RFTN2: variants seen among roughly 807,000 people sequenced by gnomAD.
RFTN2 encodes raftlin-2.
RFTN2 carries 34 observed loss-of-function variants against 52.7 expected under a neutral mutation model. The observed-to-expected ratio is 0.64, with a 90% confidence interval of 0.49 to 0.86. The LOEUF (loss-of-function observed/expected upper bound fraction) is 0.86. RFTN2 is among the 40% of genes least tolerant of loss of function. The pLI, the probability that RFTN2 is intolerant of heterozygous loss-of-function variation, is 0.00. For synonymous variants in RFTN2, 203 were observed against 217.7 expected (o/e 0.93, Z 0.59); for missense variants, 536 against 600.1 (o/e 0.89, Z 1.12).
At chr2:197,638,797 T>G (rs1379915111) in intron 3 of RFTN2, among the ~76,000 whole-genome samples, 8 of 128,394 alleles carry the variant, frequency 6.2e-5, no homozygotes, top group Middle Eastern at 4.5e-3. Context: ...GTTAGCTGGT[T>G]ATTTTGCTCG....
chr2:197,647,880 G>T (rs1038186372), intron 1 of RFTN2, among the ~76,000 whole-genome samples: 4 of 152,194 alleles, frequency 2.6e-5, no homozygotes, highest in South Asian at 2.1e-4. Flanking sequence ...AAGGAAAAGA[G>T]TGTGTTATTT....
chr2:197,590,845 G>A (rs908714359), intron 8 of RFTN2, among the ~76,000 whole-genome samples: 3 of 152,212 alleles, frequency 2.0e-5, no homozygotes, highest in Non-Finnish European at 2.9e-5. Context: ...TTCGCAGTAA[G>A]TGCTACAGCT....
chr2:197,582,039 T>C (rs2087518603), intron 8 of RFTN2, among the ~76,000 whole-genome samples: 1 of 152,228 alleles, frequency 6.6e-6, no homozygotes, highest in Admixed American at 6.5e-5. Context: ...GCAGTTGGAA[T>C]TCTTACACAA....
Position 197,571,756 on chromosome 2 carries a change from A to C in RFTN2, c.*252T>G. The C allele has an allele frequency of 2.0e-6, 1 of 500,180 alleles. No homozygotes were observed. 31.0% of individuals were successfully genotyped at this position (500,180 alleles called of 1,614,324 possible). A position where few individuals can be genotyped will look rare whatever the true frequency, so the allele number is the denominator to read the frequency against. ...AAGCTGAAATAGATTATTGTGTAAT[A>C]ACCGAATGGAACATCTGTTTAACCA... On this transcript the variant is annotated 3_prime_UTR_variant, in exon 9 of 9. Coordinates refer to ENST00000295049, the MANE Select transcript of RFTN2 (RefSeq NM_144629.3).
chr2:197,654,313 G>C (rs761869712), intron 1 of RFTN2, among the ~76,000 whole-genome samples: 3 of 152,150 alleles, frequency 2.0e-5, no homozygotes, highest in Non-Finnish European at 4.4e-5. Flanking sequence ...TTAAGCCCAG[G>C]AGTTTGAGGC....
intron 3 of RFTN2, among the ~76,000 whole-genome samples, chr2:197,642,548 AT>A (rs1386813333): frequency 3.9e-5 from 6 of 152,076 alleles, no homozygotes; most frequent in African/African-American, 9.7e-5. Context: ...TTAATCCATC[AT>A]TGTCTTTTTC....
At chr2:197,663,184 A>T (rs936803948) in intron 1 of RFTN2, among the ~76,000 whole-genome samples, 24 of 152,180 alleles carry the variant, frequency 1.6e-4, no homozygotes, top group African/African-American at 5.6e-4. Context: ...CATCACTGGT[A>T]TAAATTCCAT....
At position 197,571,285 on chromosome 2, in the gene RFTN2, G is replaced by A. The variant is rs1012872168; in HGVS notation, c.*723C>T. ...TCTTACTCTCTACTAAGGTATTTAT[G>A]TATTGAGATTATGGGTTCTTTTCAT... On this transcript the variant is annotated 3_prime_UTR_variant, in exon 9 of 9. Transcript: ENST00000295049. The A allele has an allele frequency of 2.0e-5, 3 of 152,192 alleles. No homozygotes were observed. The highest frequency in any genetic ancestry group is 2.1e-4 in the South Asian group (1 of 4,824). 9.4% of individuals were successfully genotyped at this position (152,192 alleles called of 1,614,324 possible).
intron 8 of RFTN2, among the ~76,000 whole-genome samples, chr2:197,577,880 G>A (rs1034837659): frequency 6.6e-6 from 1 of 152,110 alleles, no homozygotes; most frequent in African/African-American, 2.4e-5. Flanking sequence ...CCATGCCTGG[G>A]TAATTTTTCT....
intron 5 of RFTN2, among the ~76,000 whole-genome samples, chr2:197,628,513 A>T (rs574766290): frequency 6.6e-6 from 1 of 152,312 alleles, no homozygotes; most frequent in South Asian, 2.1e-4. Context: ...TGCCTGAGAG[A>T]GATTGTGAAA....
At chr2:197,629,295 G>T (rs919294414) in intron 5 of RFTN2, among the ~76,000 whole-genome samples, 5 of 152,232 alleles carry the variant, frequency 3.3e-5, no homozygotes, top group Admixed American at 6.5e-5. Context: ...GTCCTTTGTA[G>T]GGACATGGAT....
In RFTN2 at chr2:197,633,827, A is replaced by G. The variant is rs2088507035; in HGVS notation, c.609T>C (p.Ser203=). 1 of 1,613,814 alleles carries G rather than the reference A, an allele frequency of 6.2e-7. No individual in the cohort carries two copies. Among genetic ancestry groups the G allele is most frequent in the African/African-American group, 1.3e-5 (1 of 74,914 alleles). The change falls in exon 4 of 9, where the codon AGT becomes AGC. Residue 203 remains serine (S), a synonymous_variant. Coordinates refer to ENST00000295049, the MANE Select transcript of RFTN2 (RefSeq NM_144629.3). The part of the protein sequence containing the change: ...NCRSWNEGTL[S]GQSSESGIEE... The stretch of plus-strand genomic sequence containing the variant: ...CAATTCCGCTTTCAGATGACTGCCC[A>G]CTTAACGTCCCTTCATTCCAACTTC...
chr2:197,575,065 C>A (rs192453134), intron 8 of RFTN2, among the ~76,000 whole-genome samples: 84 of 152,216 alleles, frequency 5.5e-4, no homozygotes, highest in Non-Finnish European at 8.7e-4. Flanking sequence ...GGGAGTGACC[C>A]AGTGGGAGGT....
At chr2:197,597,744 C>T (rs1200093605) in intron 7 of RFTN2, among the ~76,000 whole-genome samples, 3 of 152,086 alleles carry the variant, frequency 2.0e-5, no homozygotes, top group African/African-American at 7.3e-5. Context: ...TCTCAAACTC[C>T]CGACCTCAGG....
chr2:197,626,479 G>A (rs1485559025), intron 5 of RFTN2, among the ~76,000 whole-genome samples: 1 of 151,714 alleles, frequency 6.6e-6, no homozygotes, highest in Non-Finnish European at 1.5e-5. Context: ...TGGGAGGATT[G>A]CCTCGGCCCA....
intron 3 of RFTN2, among the ~76,000 whole-genome samples, chr2:197,642,833 G>T (rs949818375): frequency 6.6e-5 from 10 of 152,020 alleles, no homozygotes; most frequent in African/African-American, 2.2e-4. Context: ...AAAAAAATTG[G>T]CTGGGCGTGG....
intron 1 of RFTN2, among the ~76,000 whole-genome samples, chr2:197,654,591 G>A (rs1254327342): frequency 1.3e-5 from 2 of 152,158 alleles, no homozygotes; most frequent in African/African-American, 2.4e-5. Flanking sequence ...GTGCCTTTTG[G>A]TGGAAGCTTG....
intron 5 of RFTN2, among the ~76,000 whole-genome samples, chr2:197,626,301 C>T (rs916364455): frequency 1.7e-4 from 26 of 152,038 alleles, no homozygotes; most frequent in Non-Finnish European, 3.4e-4. Flanking sequence ...CACGATGGCT[C>T]ACACCTGGAA....
intron 8 of RFTN2, among the ~76,000 whole-genome samples, chr2:197,580,850 C>T (rs1397827191): frequency 1.3e-5 from 2 of 152,074 alleles, no homozygotes; most frequent in Non-Finnish European, 2.9e-5. Flanking sequence ...TTTAGTTATC[C>T]CCACCTGCCC....
Sources: allele counts gnomAD v4.1 joint callset (sites outside exome capture counted in the v4.1 genomes callset), GRCh38; gene constraint gnomAD v4.1.1; transcripts MANE v1.5; gene names NCBI Gene and HGNC (gene_info 2026-07-23, HGNC 2026-07-21).